DDX10: variants seen among roughly 807,000 people sequenced by gnomAD.
DDX10 encodes the protein probable ATP-dependent RNA helicase DDX10.
A neutral mutation model predicts 104.3 loss-of-function variants in DDX10; 74 were observed. That is an observed-to-expected ratio of 0.71 (90% confidence interval 0.59 to 0.86). The LOEUF (loss-of-function observed/expected upper bound fraction) is 0.86. Ranked by LOEUF, DDX10 falls within the 40% of genes least tolerant of loss-of-function variation. The probability of loss-of-function intolerance (pLI) is 0.00; values close to 1 mark genes in which losing one functional copy is unlikely to be tolerated. For synonymous variants in DDX10, 351 were observed against 353.4 expected (o/e 0.99, Z 0.08); for missense variants, 952 against 1,040.0 (o/e 0.92, Z 1.16).
intron 13 of DDX10, among the ~76,000 whole-genome samples, chr11:108,801,161 T>C (rs34451436): frequency 0.14 from 21,593 of 152,212 alleles, 1,640 homozygotes; most frequent in East Asian, 0.25. Context: ...AAGAATATGA[T>C]TGTTTCAGTT....
At chr11:108,722,879 AG>A in intron 12 of DDX10, 117 bp from the exon 13 acceptor site, 3 of 1,422,542 alleles carry the variant, frequency 2.1e-6, no homozygotes, top group Non-Finnish European at 9.2e-7. Flanking sequence ...TGTATCTCAC[AG>A]GAACATTTTC....
intron 13 of DDX10, among the ~76,000 whole-genome samples, chr11:108,836,787 C>A (rs1033306829): frequency 6.6e-6 from 1 of 152,142 alleles, no homozygotes; most frequent in Non-Finnish European, 1.5e-5. Flanking sequence ...CCACACCCGG[C>A]CTTGGTGGTT....
chr11:108,811,764 A>C (rs1862184961), intron 13 of DDX10, among the ~76,000 whole-genome samples: 1 of 152,010 alleles, frequency 6.6e-6, no homozygotes, highest in Admixed American at 6.6e-5. Context: ...TTAACTGCCT[A>C]CCAGTTTCCC....
At chr11:108,800,390 A>G (rs1862003123) in intron 13 of DDX10, among the ~76,000 whole-genome samples, 1 of 144,674 alleles carries the variant, frequency 6.9e-6, no homozygotes. Flanking sequence ...GCTTGCAGTG[A>G]GCCGAGATCG....
intron 13 of DDX10, among the ~76,000 whole-genome samples, chr11:108,782,183 G>C (rs575719008): frequency 1.3e-5 from 2 of 152,292 alleles, no homozygotes; most frequent in East Asian, 3.9e-4. Context: ...GGTTACCTTA[G>C]AAACCATCTC....
chr11:108,866,611 A>G (rs768253491), intron 16 of DDX10, among the ~76,000 whole-genome samples: 5 of 152,210 alleles, frequency 3.3e-5, no homozygotes, highest in Non-Finnish European at 7.3e-5. Flanking sequence ...CTTGGCATAT[A>G]TCATGTGCTG....
chr11:108,891,463 A>G (rs1863375043), intron 16 of DDX10, among the ~76,000 whole-genome samples: 1 of 152,186 alleles, frequency 6.6e-6, no homozygotes. Flanking sequence ...GCATTTATGA[A>G]TGAACAACAC....
At chr11:108,828,446 T>G (rs1304834621) in intron 13 of DDX10, among the ~76,000 whole-genome samples, 1 of 152,224 alleles carries the variant, frequency 6.6e-6, no homozygotes, top group Non-Finnish European at 1.5e-5. Flanking sequence ...AATAATAATC[T>G]CCAGTTCCAT....
At chr11:108,817,883 G>A (rs1862276139) in intron 13 of DDX10, among the ~76,000 whole-genome samples, 1 of 152,202 alleles carries the variant, frequency 6.6e-6, no homozygotes, top group African/African-American at 2.4e-5. Flanking sequence ...TGCCTCTGAA[G>A]TCTTGACTGT....
intron 17 of DDX10, chr11:108,921,439 A>G (rs1294911817): frequency 6.6e-6 from 1 of 152,176 alleles, no homozygotes; most frequent in African/African-American, 2.4e-5. Context: ...CTGTATGATT[A>G]CGTGCTAAGA....
intron 13 of DDX10, among the ~76,000 whole-genome samples, chr11:108,815,372 G>T (rs1300366246): frequency 6.6e-6 from 1 of 152,082 alleles, no homozygotes; most frequent in Admixed American, 6.5e-5. Flanking sequence ...TATGCAGGGG[G>T]TTGGTTCCAA....
chr11:108,927,507 G>A (rs1863923284), intron 17 of DDX10, among the ~76,000 whole-genome samples: 2 of 152,118 alleles, frequency 1.3e-5, no homozygotes, highest in African/African-American at 4.8e-5. Context: ...GAAGTTTAGT[G>A]CTCACTCCAC....
At chr11:108,870,426 A>T (rs146294239) in intron 16 of DDX10, among the ~76,000 whole-genome samples, 1 of 152,174 alleles carries the variant, frequency 6.6e-6, no homozygotes, top group African/African-American at 2.4e-5. Context: ...AAAAGCTACA[A>T]AGTTCACATG....
At chr11:108,891,734 A>C (rs1017565486) in intron 16 of DDX10, among the ~76,000 whole-genome samples, 6 of 152,264 alleles carry the variant, frequency 3.9e-5, no homozygotes, top group Admixed American at 3.3e-4. Flanking sequence ...ACACGTATAA[A>C]ATTGGCTGTC....
intron 13 of DDX10, among the ~76,000 whole-genome samples, chr11:108,791,189 T>G (rs1861866366): frequency 6.6e-6 from 1 of 152,212 alleles, no homozygotes. Flanking sequence ...GCTACCATGC[T>G]GTGGGAAAAA....
At chr11:108,870,684 C>A (rs975048554) in intron 16 of DDX10, among the ~76,000 whole-genome samples, 1 of 152,166 alleles carries the variant, frequency 6.6e-6, no homozygotes. Flanking sequence ...ATCCTGTATT[C>A]TCTTACCTTG....
At chr11:108,897,130 A>G (rs972371759) in intron 16 of DDX10, among the ~76,000 whole-genome samples, 3 of 152,140 alleles carry the variant, frequency 2.0e-5, no homozygotes, top group African/African-American at 7.2e-5. Context: ...ACCTTTTATG[A>G]CTTAACCAAG....
At chr11:108,756,233 G>C (rs2094344301) in intron 13 of DDX10, among the ~76,000 whole-genome samples, 1 of 151,998 alleles carries the variant, frequency 6.6e-6, no homozygotes, top group Admixed American at 6.6e-5. Flanking sequence ...CGTTGATTTA[G>C]TGAAATTCAA....
intron 13 of DDX10, among the ~76,000 whole-genome samples, chr11:108,806,282 C>T (rs1334179344): frequency 1.3e-5 from 2 of 151,974 alleles, no homozygotes; most frequent in Admixed American, 1.3e-4. Flanking sequence ...CTATTAAGAG[C>T]AATAAAAACA....
Sources: allele counts gnomAD v4.1 joint callset (sites outside exome capture counted in the v4.1 genomes callset), GRCh38; gene constraint gnomAD v4.1.1; transcripts MANE v1.5; gene names NCBI Gene and HGNC (gene_info 2026-07-23, HGNC 2026-07-21).